Variants in SEC14L1 observed in about 807,000 individuals in gnomAD.
The protein encoded by SEC14L1 is SEC14-like protein 1.
A neutral mutation model predicts 85.3 loss-of-function variants in SEC14L1; 48 were observed. That is an observed-to-expected ratio of 0.56 (90% CI 0.45 to 0.72). The LOEUF (loss-of-function observed/expected upper bound fraction) is 0.72, where lower values mean the gene tolerates loss of function less well. Ranked by LOEUF, SEC14L1 falls within the 30% of genes least tolerant of loss-of-function variation. The pLI is 0.00. For synonymous variants in SEC14L1, 391 were observed against 355.5 expected (o/e 1.10, Z -1.12); for missense variants, 682 against 921.4 (o/e 0.74, Z 3.36).
intron 2 of SEC14L1, chr17:77,090,020 A>C (rs1567863264): frequency 7.4e-6 from 1 of 135,904 alleles, no homozygotes. Context: ...CAAAACTCCG[A>C]GAAAAAAAAA....
upstream of SEC14L1, among the ~76,000 whole-genome samples, chr17:77,139,915 T>G (rs1972924788): frequency 6.6e-6 from 1 of 152,168 alleles, no homozygotes; most frequent in African/African-American, 2.4e-5. Context: ...GATGAGGCCA[T>G]GAATGATTTG....
chr17:77,089,513 G>T (rs948217040), intron 2 of SEC14L1: 1 of 507,470 alleles, frequency 2.0e-6, no homozygotes, highest in Non-Finnish European at 3.9e-6. Context: ...AAAGAAAATG[G>T]TTGTAGTTAG....
At chr17:77,149,515 G>A (rs1973461321) in intron 3 of SEC14L1, among the ~76,000 whole-genome samples, 1 of 152,096 alleles carries the variant, frequency 6.6e-6, no homozygotes. Context: ...GGGCAACATA[G>A]CAAGATCCTG....
intron 3 of SEC14L1, among the ~76,000 whole-genome samples, chr17:77,167,445 T>C (rs1974335682): frequency 6.6e-6 from 1 of 152,208 alleles, no homozygotes; most frequent in South Asian, 2.1e-4. Flanking sequence ...AGTTTTCTTA[T>C]ACCATGAGCA....
chr17:77,103,507 T>G (rs1050757140), intron 3 of SEC14L1, among the ~76,000 whole-genome samples: 2 of 150,538 alleles, frequency 1.3e-5, no homozygotes, highest in African/African-American at 4.9e-5. Context: ...AGTGGTGTCA[T>G]CTCAGCTCAC....
chr17:77,091,748 T>C (rs557333009), intron 2 of SEC14L1, among the ~76,000 whole-genome samples: 3 of 152,296 alleles, frequency 2.0e-5, no homozygotes, highest in East Asian at 1.9e-4. Context: ...GAGATTATGC[T>C]TCTGGGAGAA....
chr17:77,106,671 T>A (rs908993747), intron 3 of SEC14L1, among the ~76,000 whole-genome samples: 2 of 149,258 alleles, frequency 1.3e-5, no homozygotes, highest in African/African-American at 5.0e-5. Context: ...TCTCAAAAAA[T>A]AAATAAATAA....
chr17:77,106,403 G>A (rs866422340), intron 3 of SEC14L1, among the ~76,000 whole-genome samples: 11 of 152,094 alleles, frequency 7.2e-5, no homozygotes, highest in African/African-American at 1.4e-4. Context: ...GTGGTGGCAC[G>A]CACCTGAAGT....
chr17:77,089,734 A>G (rs1022163997), intron 2 of SEC14L1: 1 of 267,406 alleles, frequency 3.7e-6, no homozygotes, highest in Non-Finnish European at 7.3e-6. Context: ...GGCATAATTC[A>G]GCCAGGTGCA....
intron 3 of SEC14L1, among the ~76,000 whole-genome samples, chr17:77,121,359 G>A (rs1972291330): frequency 6.6e-6 from 1 of 152,142 alleles, no homozygotes; most frequent in Admixed American, 6.5e-5. Flanking sequence ...GCCATATCAT[G>A]TGCACTATCT....
At chr17:77,189,874 C>T (rs1017471719) in intron 3 of SEC14L1, among the ~76,000 whole-genome samples, 7 of 152,146 alleles carry the variant, frequency 4.6e-5, no homozygotes, top group Non-Finnish European at 5.9e-5. Flanking sequence ...ATGATCTGCC[C>T]ACCTCAGACT....
chr17:77,115,229 G>C (rs1418206814), intron 3 of SEC14L1, among the ~76,000 whole-genome samples: 1 of 152,016 alleles, frequency 6.6e-6, no homozygotes. Flanking sequence ...AGGAGTTCAA[G>C]ACCAGCCTAA....
chr17:77,108,805 A>AAAAT (rs369588470), intron 3 of SEC14L1, among the ~76,000 whole-genome samples: 13 of 131,676 alleles, frequency 9.9e-5, no homozygotes, highest in South Asian at 4.7e-4. Flanking sequence ...AAAAAAAAAA[A>AAAAT]GAATGTATAT....
chr17:77,155,531 A>G (rs1225706975), intron 3 of SEC14L1, among the ~76,000 whole-genome samples: 1 of 152,080 alleles, frequency 6.6e-6, no homozygotes, highest in Non-Finnish European at 1.5e-5. Context: ...TGTCTCCTGG[A>G]TGGGCGCTCA....
chr17:77,206,650 G>A lies in SEC14L1; in HGVS notation c.1342-78G>A. 1 of 1,516,182 alleles carries A rather than the reference G, an allele frequency of 6.6e-7. No homozygotes were observed. Among genetic ancestry groups the A allele is most frequent in the East Asian group, 2.3e-5 (1 of 44,016 alleles). 93.9% of individuals were successfully genotyped at this position (1,516,182 alleles called of 1,614,324 possible). On this transcript the variant is annotated intron_variant, in intron 12 of 16. Coordinates refer to ENST00000436233, the MANE Select transcript of SEC14L1 (RefSeq NM_001143998.2). The surrounding 1 kb of genome is among the most constrained non-coding windows in gnomAD (Gnocchi z 4.3). Reference sequence around the variant, plus strand: ...TGTCTTCCCCCCACCCTCCCACTCAGAATACCACATTGTCATTTTAATCTT... The same window carrying A: ...TGTCTTCCCCCCACCCTCCCACTCAAAATACCACATTGTCATTTTAATCTT...
intron 14 of SEC14L1, chr17:77,209,915 T>C (rs1379967243): frequency 6.5e-6 from 1 of 153,300 alleles, no homozygotes; most frequent in Non-Finnish European, 1.5e-5. Flanking sequence ...TGATCTCAAC[T>C]CACTGCAACC....
intron 3 of SEC14L1, among the ~76,000 whole-genome samples, chr17:77,146,718 A>G (rs1241781085): frequency 2.0e-5 from 3 of 152,068 alleles, no homozygotes; most frequent in Non-Finnish European, 4.4e-5. Context: ...AAACAAACAC[A>G]CAGACGCACA....
chr17:77,188,613 T>C (rs1975380203), intron 3 of SEC14L1, among the ~76,000 whole-genome samples: 1 of 152,174 alleles, frequency 6.6e-6, no homozygotes, highest in Non-Finnish European at 1.5e-5. Context: ...TGTTTGTATA[T>C]GGGGTTTTGT....
chr17:77,135,698 G>C (rs1972774023), intron 3 of SEC14L1, among the ~76,000 whole-genome samples: 1 of 151,828 alleles, frequency 6.6e-6, no homozygotes, highest in Non-Finnish European at 1.5e-5. Flanking sequence ...CACCATGCCT[G>C]GCTAATTTTT....
Sources: gnomAD v4.1 joint callset for allele counts (sites outside exome capture counted in the v4.1 genomes callset) on GRCh38, gnomAD v4.1.1 for gene constraint, Gnocchi (gnomAD v3.1) non-coding constraint, MANE v1.5 for transcripts, NCBI Gene and HGNC (gene_info 2026-07-23, HGNC 2026-07-21) for gene names.